Variants in RALGAPA2 observed in about 807,000 individuals in gnomAD.
RALGAPA2 encodes the protein Ral GTPase activating protein catalytic subunit alpha 2.
RALGAPA2 carries 139 observed loss-of-function variants against 230.4 expected under a neutral mutation model. That is an observed-to-expected ratio of 0.60 (90% CI 0.53 to 0.69). The LOEUF is 0.69. RALGAPA2 is among the 30% of genes least tolerant of loss of function. The pLI is 0.00. For synonymous variants in RALGAPA2, 847 were observed against 837.8 expected, an observed-to-expected ratio of 1.01 and a Z score of -0.19; for missense variants, 2,163 against 2,276.0, an observed-to-expected ratio of 0.95 and a Z score of 1.01.
At chr20:20,504,067 T>C (rs1260584507) in intron 34 of RALGAPA2, among the ~76,000 whole-genome samples, 2 of 152,212 alleles carry the variant, frequency 1.3e-5, no homozygotes, top group African/African-American at 4.8e-5. Flanking sequence ...AATTTTTAAC[T>C]TGTCATAAAC....
At chr20:20,652,349 C>G (rs1209358707) in intron 4 of RALGAPA2, among the ~76,000 whole-genome samples, 2 of 152,136 alleles carry the variant, frequency 1.3e-5, no homozygotes, top group Non-Finnish European at 2.9e-5. Context: ...TCTCTTGAAG[C>G]CTTCCTCAAT....
intron 39 of RALGAPA2, among the ~76,000 whole-genome samples, chr20:20,395,938 G>A (rs1001013304): frequency 6.6e-6 from 1 of 152,236 alleles, no homozygotes; most frequent in African/African-American, 2.4e-5. Context: ...TGGCATTGCC[G>A]TGATCCTTGT....
intron 28 of RALGAPA2, among the ~76,000 whole-genome samples, chr20:20,526,048 T>C (rs1262860577): frequency 6.6e-6 from 1 of 152,196 alleles, no homozygotes. Flanking sequence ...TATAAGCCTC[T>C]GTCTGGAATA....
chr20:20,652,674 T>A (rs2067444691), intron 4 of RALGAPA2, among the ~76,000 whole-genome samples: 1 of 152,162 alleles, frequency 6.6e-6, no homozygotes, highest in African/African-American at 2.4e-5. Flanking sequence ...CGGCAGGGGA[T>A]TGAAGGAGAC....
At chr20:20,672,494 A>G (rs2068170597) in intron 3 of RALGAPA2, among the ~76,000 whole-genome samples, 1 of 152,212 alleles carries the variant, frequency 6.6e-6, no homozygotes. Context: ...GCCAAACCAA[A>G]AAAGCTGTTA....
chr20:20,670,018 T>C (rs1170834968), intron 3 of RALGAPA2, among the ~76,000 whole-genome samples: 1 of 152,188 alleles, frequency 6.6e-6, no homozygotes, highest in Non-Finnish European at 1.5e-5. Flanking sequence ...AAAAGAACCA[T>C]TCAGGATTTT....
At chr20:20,447,907 T>C (rs2060900523) in intron 37 of RALGAPA2, among the ~76,000 whole-genome samples, 1 of 152,130 alleles carries the variant, frequency 6.6e-6, no homozygotes, top group South Asian at 2.1e-4. Context: ...TCTACAAATG[T>C]TAGAGAAGGG....
rs1321410106 is a variant in RALGAPA2 at position 20,503,487 on chromosome 20, C to A, written c.5072G>T (p.Cys1691Phe). The A allele has an allele frequency of 6.3e-7, 1 of 1,586,216 alleles. No individual in the cohort carries two copies. The highest frequency in any genetic ancestry group is 8.6e-7 in the Non-Finnish European group (1 of 1,167,032). ...GCGCTGAAGGCCACCCATGAACCCACAGTGGGTGGAGAGATCCACCTGACA... is the reference window on the plus strand; with the variant it reads ...GCGCTGAAGGCCACCCATGAACCCAAAGTGGGTGGAGAGATCCACCTGACA... ...LGWEVDLSTH[C>F]GFMGGLQRNG... is the part of the protein sequence containing the mutation. The change falls in exon 35 of 40, where the codon TGT becomes TTT. Residue 1691 changes from cysteine to phenylalanine, a missense_variant. Cys to Phe is a radical substitution (Grantham distance 205). Transcript: ENST00000202677.
At chr20:20,673,224 T>A in intron 3 of RALGAPA2, among the ~76,000 whole-genome samples, 1 of 148,420 alleles carries the variant, frequency 6.7e-6, no homozygotes, top group African/African-American at 2.5e-5. Flanking sequence ...AAAATAAAAT[T>A]TAAAAAAATG....
At chr20:20,686,704 G>A (rs2068713676) in intron 1 of RALGAPA2, among the ~76,000 whole-genome samples, 1 of 152,174 alleles carries the variant, frequency 6.6e-6, no homozygotes, top group Non-Finnish European at 1.5e-5. Context: ...TAATACAGCA[G>A]TAAGTACTAC....
intron 37 of RALGAPA2, among the ~76,000 whole-genome samples, chr20:20,449,113 G>A (rs556643357): frequency 2.0e-5 from 3 of 152,184 alleles, no homozygotes; most frequent in Non-Finnish European, 4.4e-5. Context: ...CTTGAATGAC[G>A]CTAAATTGGG....
At chr20:20,461,961 T>C (rs960272993) in intron 37 of RALGAPA2, among the ~76,000 whole-genome samples, 2 of 150,046 alleles carry the variant, frequency 1.3e-5, no homozygotes, top group African/African-American at 2.5e-5. Context: ...AGCCCCTTCA[T>C]TGGTGTTGGA....
At chr20:20,562,913 G>C (rs1325656632) in intron 23 of RALGAPA2, among the ~76,000 whole-genome samples, 1 of 152,172 alleles carries the variant, frequency 6.6e-6, no homozygotes, top group Non-Finnish European at 1.5e-5. Context: ...GCGATTGATA[G>C]CTGAATAAAG....
At chr20:20,647,374 G>C (rs1342427030) in intron 4 of RALGAPA2, among the ~76,000 whole-genome samples, 1 of 152,174 alleles carries the variant, frequency 6.6e-6, no homozygotes, top group Non-Finnish European at 1.5e-5. Flanking sequence ...CCTGCTAGAA[G>C]AGGCCAGTGG....
chr20:20,605,445 C>A (rs191050984), intron 14 of RALGAPA2, 33 bp from the exon 15 acceptor site: 3 of 1,465,226 alleles, frequency 2.0e-6, no homozygotes, highest in Admixed American at 1.8e-5. Flanking sequence ...AGAATTCACA[C>A]ATCTTCATTT....
chr20:20,434,283 T>C (rs6035627), intron 37 of RALGAPA2, among the ~76,000 whole-genome samples: 2,229 of 152,266 alleles, frequency 0.015, 45 homozygotes, highest in African/African-American at 0.051. Context: ...AGTTCCTCTG[T>C]GGGGGTCCCG....
chr20:20,640,741 T>C lies in RALGAPA2; in HGVS notation c.510A>G (p.Thr170=), dbSNP rs1380990219. 6.2e-7 allele frequency: 1 copy of C among 1,613,922 alleles called. No homozygotes were observed. The highest frequency in any genetic ancestry group is 8.5e-7 in the Non-Finnish European group (1 of 1,179,846). ...GGCTGGGATTGATGAGTGTCTCCAG[T>C]GTGCAAGGGCCCCTGGATGACATGA... The part of the protein sequence containing the change: ...PAVMSSRGPC[T]LETLINPSPS... The change falls in exon 6 of 40, where the codon ACA becomes ACG. Residue 170 remains threonine, a synonymous_variant. Transcript: ENST00000202677.
chr20:20,598,759 T>G (rs1442877208), intron 16 of RALGAPA2: 4 of 456,276 alleles, frequency 8.8e-6, no homozygotes, highest in Non-Finnish European at 8.8e-6. Flanking sequence ...CGGGACGCTT[T>G]TAGTGGCAGG....
intron 38 of RALGAPA2, among the ~76,000 whole-genome samples, chr20:20,406,870 C>CCAATGCAAT (rs2059957346): frequency 6.6e-6 from 1 of 152,176 alleles, no homozygotes; most frequent in Admixed American, 6.5e-5. Flanking sequence ...TGTGCTCACA[C>CCAATGCAAT]CAATGCAATC....
Sources: gnomAD v4.1 joint callset for allele counts (sites outside exome capture counted in the v4.1 genomes callset) on GRCh38, gnomAD v4.1.1 for gene constraint, MANE v1.5 for transcripts, NCBI Gene and HGNC (gene_info 2026-07-23, HGNC 2026-07-21) for gene names.